TSHZ2: variants seen among roughly 807,000 people sequenced by gnomAD.
The protein encoded by TSHZ2 is teashirt homolog 2.
TSHZ2 carries 21 observed loss-of-function variants against 74.4 expected under a neutral mutation model. The observed-to-expected ratio is 0.28, with a 90% CI of 0.20 to 0.41. The LOEUF (loss-of-function observed/expected upper bound fraction) is 0.41, where lower values mean the gene tolerates loss of function less well. TSHZ2 is among the 10% of genes least tolerant of loss of function. The pLI is 1.00. For missense variants in TSHZ2, 1,244 were observed against 1,293.5 expected, an observed-to-expected ratio of 0.96 and a Z score of 0.59; for synonymous variants, 540 against 515.3, an observed-to-expected ratio of 1.05 and a Z score of -0.65.
intron 1 of TSHZ2, among the ~76,000 whole-genome samples, chr20:53,069,465 C>A (rs965560711): frequency 6.6e-6 from 1 of 151,944 alleles, no homozygotes; most frequent in Non-Finnish European, 1.5e-5. Flanking sequence ...AAAAAAATAT[C>A]GAGGTTTTAC....
At chr20:53,156,466 A>C (rs1987797776) in intron 1 of TSHZ2, among the ~76,000 whole-genome samples, 1 of 152,184 alleles carries the variant, frequency 6.6e-6, no homozygotes, top group South Asian at 2.1e-4. Flanking sequence ...GAAGGAGAGC[A>C]CTTTTGTATG....
intron 2 of TSHZ2, among the ~76,000 whole-genome samples, chr20:53,290,072 A>G (rs1272454411): frequency 1.3e-5 from 2 of 152,244 alleles, no homozygotes; most frequent in South Asian, 2.1e-4. Context: ...ATTAAACTCC[A>G]TATTTTCAGC....
At chr20:53,275,445 A>G (rs1294364136) in intron 2 of TSHZ2, among the ~76,000 whole-genome samples, 4 of 152,076 alleles carry the variant, frequency 2.6e-5, no homozygotes, top group African/African-American at 7.2e-5. Context: ...AGTGGCATCT[A>G]TAATACATGG....
At chr20:53,158,906 A>G (rs1394764782) in intron 1 of TSHZ2, among the ~76,000 whole-genome samples, 5 of 152,136 alleles carry the variant, frequency 3.3e-5, no homozygotes, top group African/African-American at 1.2e-4. Flanking sequence ...CTTTCTTTAA[A>G]CCTTAAAACA....
intron 1 of TSHZ2, among the ~76,000 whole-genome samples, chr20:53,093,811 G>C (rs1985957928): frequency 6.6e-6 from 1 of 152,108 alleles, no homozygotes; most frequent in Non-Finnish European, 1.5e-5. Context: ...CTAAAAATAA[G>C]TGATTTAATG....
At chr20:53,156,362 C>A (rs553600148) in intron 1 of TSHZ2, among the ~76,000 whole-genome samples, 2 of 152,118 alleles carry the variant, frequency 1.3e-5, no homozygotes, top group Non-Finnish European at 2.9e-5. Flanking sequence ...ACTCAGTGGG[C>A]CTTCTTTGGT....
At chr20:53,066,638 G>C (rs1489964236) in intron 1 of TSHZ2, among the ~76,000 whole-genome samples, 1 of 152,102 alleles carries the variant, frequency 6.6e-6, no homozygotes, top group Non-Finnish European at 1.5e-5. Context: ...CTCCTGAGTA[G>C]CTGGGATAAC....
intron 2 of TSHZ2, among the ~76,000 whole-genome samples, chr20:53,262,512 G>A (rs1314843834): frequency 4.6e-5 from 7 of 152,194 alleles, no homozygotes; most frequent in Non-Finnish European, 1.0e-4. Flanking sequence ...AAACTATTTA[G>A]CCTCGGCTCT....
At chr20:53,327,327 T>C (rs1236462598) in intron 2 of TSHZ2, among the ~76,000 whole-genome samples, 2 of 152,126 alleles carry the variant, frequency 1.3e-5, no homozygotes, top group African/African-American at 4.8e-5. Flanking sequence ...TTAACTCTAT[T>C]ATTTACTAGA....
In TSHZ2 at chr20:53,272,491, C is replaced by T. The variant is rs562530948; in HGVS notation, c.*8+15920C>T. On this transcript the variant is annotated intron_variant, in intron 2 of 2. Transcript: ENST00000371497. ...AGGAGAAGAGAGAGGGAGAAAGGGA[C>T]ATGCTATCTAGGAAGTGATTATACT... Among the ~76,000 whole-genome samples the T allele has an allele frequency of 4.6e-5, 7 of 152,260 alleles. No homozygotes were observed. The East Asian group carries it at 1.3e-3, about 29-fold the overall frequency.
At chr20:53,154,791 G>A (rs1319361036) in intron 1 of TSHZ2, among the ~76,000 whole-genome samples, 1 of 152,112 alleles carries the variant, frequency 6.6e-6, no homozygotes, top group Non-Finnish European at 1.5e-5. Flanking sequence ...AATTTTGTGA[G>A]CTGTCACTGA....
chr20:53,021,919 C>G (rs1471881778), intron 1 of TSHZ2, among the ~76,000 whole-genome samples: 1 of 152,006 alleles, frequency 6.6e-6, no homozygotes, highest in Non-Finnish European at 1.5e-5. Flanking sequence ...AATCTTGGGA[C>G]CTGAGTATGT....
At chr20:53,431,421 A>G (rs998183769) in intron 2 of TSHZ2, among the ~76,000 whole-genome samples, 1 of 150,476 alleles carries the variant, frequency 6.6e-6, no homozygotes, top group African/African-American at 2.5e-5. Context: ...ACGCCAGTGC[A>G]CTCCAGCCTG....
intron 2 of TSHZ2, among the ~76,000 whole-genome samples, chr20:53,470,472 C>A (rs1383189046): frequency 6.6e-6 from 1 of 152,160 alleles, no homozygotes; most frequent in Non-Finnish European, 1.5e-5. Flanking sequence ...CACCGCTAAG[C>A]ATCATGTGTC....
chr20:53,285,744 G>GA lies in TSHZ2; in HGVS notation c.*8+29178dup, dbSNP rs371873875. ...GAGAAAAAAAAAAGAAAGAAAGAAAGAAAAAGAAATGGTAGTGGTGCCCAG... is the reference window on the plus strand; with the variant it reads ...GAGAAAAAAAAAAGAAAGAAAGAAAGAAAAAAGAAATGGTAGTGGTGCCCAG... On this transcript the variant is annotated intron_variant, in intron 2 of 2. Transcript: ENST00000371497. Among the ~76,000 whole-genome samples, 5 of 151,816 alleles carry GA rather than the reference G, an allele frequency of 3.3e-5. No homozygotes were observed. The East Asian group carries it at 9.6e-4, about 29-fold the overall frequency.
chr20:53,372,873 T>C (rs936308137), intron 2 of TSHZ2, among the ~76,000 whole-genome samples: 2 of 152,226 alleles, frequency 1.3e-5, no homozygotes, highest in Admixed American at 1.3e-4. Flanking sequence ...AATCATGGGA[T>C]AGAACATACA....
intron 1 of TSHZ2, among the ~76,000 whole-genome samples, chr20:53,228,955 G>C (rs1909397781): frequency 6.6e-6 from 1 of 152,194 alleles, no homozygotes; most frequent in African/African-American, 2.4e-5. Flanking sequence ...AAATTCTCCA[G>C]ATGAGTGTCT....
chr20:53,449,172 C>T (rs1351965445), intron 2 of TSHZ2, among the ~76,000 whole-genome samples: 1 of 152,140 alleles, frequency 6.6e-6, no homozygotes. Context: ...CACTCTTAAC[C>T]CCTGGAAGGT....
At chr20:53,091,284 C>G (rs1447447319) in intron 1 of TSHZ2, among the ~76,000 whole-genome samples, 1 of 152,124 alleles carries the variant, frequency 6.6e-6, no homozygotes, top group Admixed American at 6.5e-5. Flanking sequence ...TCTATAACGG[C>G]AACATTGGTG....
Sources: allele counts gnomAD v4.1 joint callset (sites outside exome capture counted in the v4.1 genomes callset), GRCh38; gene constraint gnomAD v4.1.1; transcripts MANE v1.5; gene names NCBI Gene and HGNC (gene_info 2026-07-23, HGNC 2026-07-21).